Variants in EEF2K observed in about 807,000 individuals in gnomAD.
EEF2K encodes the protein eukaryotic elongation factor 2 kinase, also known as alternative protein EEF2K.
In EEF2K, 70 loss-of-function variants were observed where a neutral mutation model predicts 93.8. That is an observed-to-expected ratio of 0.75 (90% CI 0.62 to 0.91). The LOEUF (loss-of-function observed/expected upper bound fraction) is 0.91. EEF2K is among the 40% of genes least tolerant of loss of function. EEF2K has a pLI of 0.00. For missense variants in EEF2K, 935 were observed against 972.9 expected (o/e 0.96, Z 0.52); for synonymous variants, 376 against 380.8 (o/e 0.99, Z 0.15).
Position 22,276,794 on chromosome 16 carries a change from C to T in EEF2K, c.1889+3044C>T, listed in dbSNP as rs1228935624. ...TAAAACCGAGCCCAGCATGGTGGCT[C>T]ATGCCTGTAATCCTAACACTTTGGG... On this transcript the variant is annotated intron_variant, in intron 16 of 17. Transcript: ENST00000263026. 2.0e-5 allele frequency among the ~76,000 whole-genome samples: 3 copies of T among 152,174 alleles called. No individual in the cohort carries two copies. In the East Asian group the frequency reaches 5.8e-4, roughly 29 times the overall value.
intron 1 of EEF2K, among the ~76,000 whole-genome samples, chr16:22,221,647 C>T (rs2047012950): frequency 6.6e-6 from 1 of 152,076 alleles, no homozygotes; most frequent in Non-Finnish European, 1.5e-5. Flanking sequence ...ACCTGATGGA[C>T]AGCACTGTCA....
intron 1 of EEF2K, among the ~76,000 whole-genome samples, chr16:22,221,984 C>T (rs549284449): frequency 2.2e-4 from 33 of 152,144 alleles, no homozygotes; most frequent in Admixed American, 5.2e-4. Context: ...GCAGGAGAAT[C>T]GCTTGAACCT....
rs906494254 is a variant in EEF2K, at chr16:22,257,775, G to T, written c.1029+5G>T. ...AATCAGAACACCAAGCTGCTGGTGG[G>T]TGCCCAGTGTGACCCTGCTTGGCCT... On this transcript the variant is annotated splice_donor_5th_base_variant and intron_variant, in intron 9 of 17. Coordinates refer to ENST00000263026, the MANE Select transcript of EEF2K (RefSeq NM_013302.5). The T allele has an allele frequency of 6.2e-7, 1 of 1,613,138 alleles. No homozygotes were observed. Among genetic ancestry groups the T allele is most frequent in the Non-Finnish European group, 8.5e-7 (1 of 1,179,796 alleles).
At chr16:22,278,122 G>A (rs2047656728) in intron 16 of EEF2K, among the ~76,000 whole-genome samples, 1 of 152,104 alleles carries the variant, frequency 6.6e-6, no homozygotes, top group Non-Finnish European at 1.5e-5. Flanking sequence ...TGGGAGGATT[G>A]CTGGATCCCA....
chr16:22,270,846 TGAG>T (rs1388239895), intron 15 of EEF2K, among the ~76,000 whole-genome samples: 2 of 152,142 alleles, frequency 1.3e-5, no homozygotes, highest in Non-Finnish European at 2.9e-5. Flanking sequence ...ACTTAGATGG[TGAG>T]GAGGAGGTTT....
At chr16:22,239,966 G>A (rs2047204395) in intron 2 of EEF2K, among the ~76,000 whole-genome samples, 1 of 152,138 alleles carries the variant, frequency 6.6e-6, no homozygotes, top group African/African-American at 2.4e-5. Flanking sequence ...AGCTGGGCGT[G>A]GTGGCGCAAG....
intron 3 of EEF2K, among the ~76,000 whole-genome samples, chr16:22,247,195 C>G (rs1221710012): frequency 6.6e-6 from 1 of 151,794 alleles, no homozygotes; most frequent in African/African-American, 2.4e-5. Context: ...AATCCCAGCA[C>G]TTTGGGAGGC....
intron 1 of EEF2K, among the ~76,000 whole-genome samples, chr16:22,216,374 GTCTT>G (rs2046957876): frequency 6.6e-6 from 1 of 152,310 alleles, no homozygotes; most frequent in East Asian, 1.9e-4. Context: ...TGTGCAGTCA[GTCTT>G]TCACGTGCAT....
intron 15 of EEF2K, among the ~76,000 whole-genome samples, chr16:22,270,971 C>CTTT (rs11290278): frequency 7.7e-6 from 1 of 129,612 alleles, no homozygotes; most frequent in Non-Finnish European, 1.6e-5. Flanking sequence ...TTTTGTTTTT[C>CTTT]TTTTTTTTTT....
At chr16:22,247,445 C>CAA (rs376610133) in intron 3 of EEF2K, among the ~76,000 whole-genome samples, 14,716 of 139,154 alleles carry the variant, frequency 0.11, 1,283 homozygotes, top group East Asian at 0.5. Flanking sequence ...GATTCTGTGT[C>CAA]AAAAAAAAAA....
At chr16:22,263,233 T>A in intron 12 of EEF2K, 46 bp downstream of exon 12, 1 of 1,558,390 alleles carries the variant, frequency 6.4e-7, no homozygotes, top group South Asian at 1.2e-5. Flanking sequence ...TGTTGCCTTG[T>A]TTATCCTCCA....
intron 1 of EEF2K, among the ~76,000 whole-genome samples, chr16:22,216,500 C>T (rs1038617487): frequency 1.6e-4 from 25 of 152,168 alleles, no homozygotes; most frequent in African/African-American, 5.3e-4. Flanking sequence ...ATTCACAGCA[C>T]AAAAGCCACA....
intron 2 of EEF2K, among the ~76,000 whole-genome samples, chr16:22,236,038 AG>A (rs1347061624): frequency 6.6e-6 from 1 of 152,030 alleles, no homozygotes; most frequent in African/African-American, 2.4e-5. Context: ...CCAAGTGTCA[AG>A]TGATCCTCCT....
At chr16:22,262,716 G>T (rs181399735) in intron 11 of EEF2K, among the ~76,000 whole-genome samples, 1 of 152,080 alleles carries the variant, frequency 6.6e-6, no homozygotes. Flanking sequence ...ACAGCCCTTC[G>T]ATGTAGGGGC....
intron 11 of EEF2K, among the ~76,000 whole-genome samples, chr16:22,261,065 T>C (rs2047457475): frequency 6.6e-6 from 1 of 152,200 alleles, no homozygotes; most frequent in East Asian, 1.9e-4. Context: ...CTTGTGTGTG[T>C]GTTTGAAATA....
chr16:22,214,331 G>A (rs2046940145), intron 1 of EEF2K, among the ~76,000 whole-genome samples: 1 of 151,770 alleles, frequency 6.6e-6, no homozygotes, highest in Non-Finnish European at 1.5e-5. Context: ...ATCGCTTGAG[G>A]CCAGGAGTTC....
At chr16:22,245,942 T>C (rs554463901) in intron 3 of EEF2K, among the ~76,000 whole-genome samples, 1 of 152,084 alleles carries the variant, frequency 6.6e-6, no homozygotes, top group Non-Finnish European at 1.5e-5. Context: ...TTGAAGGAAT[T>C]AGAGGAGTTT....
At position 22,267,425 on chromosome 16, in the gene EEF2K, T is replaced by C. The variant is rs189897617; in HGVS notation, c.1764+549T>C. 9.9e-5 allele frequency among the ~76,000 whole-genome samples: 15 copies of C among 152,166 alleles called. No homozygotes were observed. The East Asian group carries it at 2.7e-3, about 27-fold the overall frequency. On this transcript the variant is annotated intron_variant, in intron 15 of 17. Transcript: ENST00000263026. Reference sequence around the variant, plus strand: ...CTGGCCGACATGGTGAAACCCCGCCTCTACCAGAAAAATACAAAAGTTAGC... The same window carrying C: ...CTGGCCGACATGGTGAAACCCCGCCCCTACCAGAAAAATACAAAAGTTAGC...
In EEF2K at chr16:22,284,063, C is replaced by A. The variant is rs1256455840; in HGVS notation, c.*67C>A. 5.1e-6 allele frequency: 7 copies of A among 1,359,982 alleles called. No individual in the cohort carries two copies. The highest frequency in any genetic ancestry group is 7.1e-6 in the Non-Finnish European group (7 of 986,748). 84.2% of individuals were successfully genotyped at this position (1,359,982 alleles called of 1,614,324 possible). On this transcript the variant is annotated 3_prime_UTR_variant, in exon 18 of 18. Transcript: ENST00000263026. ...GGAGGAAAGATTAAAAAAACAACAA[C>A]AACAACTTATTTAGTTTGGGGAGGG... is the stretch of plus-strand genomic sequence containing the variant.
Sources: allele counts gnomAD v4.1 joint callset (sites outside exome capture counted in the v4.1 genomes callset), GRCh38; gene constraint gnomAD v4.1.1; transcripts MANE v1.5; gene names NCBI Gene and HGNC (gene_info 2026-07-23, HGNC 2026-07-21).